SPRYD3: variants seen among roughly 807,000 people sequenced by gnomAD.
SPRYD3 encodes SPRY domain-containing protein 3.
In SPRYD3, 17 loss-of-function variants were observed where a neutral mutation model predicts 50.1. That is an observed-to-expected ratio of 0.34 (90% CI 0.23 to 0.51). The LOEUF (loss-of-function observed/expected upper bound fraction) is 0.51. Among genes scored for constraint, SPRYD3 ranks in the 20% least tolerant of loss-of-function variants. The pLI, the probability that SPRYD3 is intolerant of heterozygous loss-of-function variation, is 0.97. For missense variants in SPRYD3, 401 were observed against 591.2 expected (o/e 0.68, Z 3.34); for synonymous variants, 198 against 215.5 (o/e 0.92, Z 0.71).
intron 3 of SPRYD3, among the ~76,000 whole-genome samples, 165 bp from the exon 4 acceptor site, chr12:53,075,384 G>C (rs781314873): frequency 6.6e-6 from 1 of 152,218 alleles, no homozygotes; most frequent in Non-Finnish European, 1.5e-5. Context: ...CAATTGGTGA[G>C]AGTGGGTGCC....
intron 6 of SPRYD3, 25 bp from the exon 7 acceptor site, chr12:53,068,329 G>A (rs776123296): frequency 1.2e-6 from 2 of 1,612,420 alleles, no homozygotes; most frequent in East Asian, 2.2e-5. Context: ...CCAGATGGGG[G>A]TCAGGGGACA....
intron 6 of SPRYD3, among the ~76,000 whole-genome samples, chr12:53,070,904 T>C (rs1944544708): frequency 1.3e-5 from 2 of 152,196 alleles, no homozygotes; most frequent in Admixed American, 6.5e-5. Context: ...GCCCTTTCTT[T>C]GGGTCTCCCC....
At position 53,066,296 on chromosome 12, in the gene SPRYD3, C is replaced by T. The variant is rs1294940572; in HGVS notation, c.1194+18G>A. On this transcript the variant is annotated intron_variant, in intron 10 of 10. Coordinates refer to ENST00000301463, the MANE Select transcript of SPRYD3 (RefSeq NM_032840.3). ...AGACCCAAAAACCCTGGTCCCACCT[C>T]AAACTCTCCGTACTCACCACCACCT... The T allele has an allele frequency of 1.2e-6, 2 of 1,610,594 alleles. No homozygotes were observed. Among genetic ancestry groups the T allele is most frequent in the East Asian group, 4.5e-5 (2 of 44,836 alleles).
chr12:53,073,487 A>AGACG lies in SPRYD3; in HGVS notation c.508-20_508-17dup, dbSNP rs2121205139. 7 of 1,517,120 alleles carry AGACG rather than the reference A, an allele frequency of 4.6e-6. No individual in the cohort carries two copies. The East Asian group carries it at 1.7e-4, about 37-fold the overall frequency. The allele number at this position is 1,517,120 out of a possible 1,614,324, so 94.0% of individuals were successfully genotyped here. On this transcript the variant is annotated splice_polypyrimidine_tract_variant and intron_variant, in intron 5 of 10. Transcript: ENST00000301463. The stretch of plus-strand genomic sequence containing the variant: ...TAGAGCCCACCTGCAGTGGGGGGAA[A>AGACG]GACGGAGCTGCCACCCGGCCTGCTT...
At chr12:53,066,272 G>T in intron 10 of SPRYD3, 42 bp downstream of exon 10, 1 of 1,598,360 alleles carries the variant, frequency 6.3e-7, no homozygotes, top group Non-Finnish European at 8.5e-7. Flanking sequence ...CCTTTGCCCA[G>T]ACCCAAAAAC....
chr12:53,067,714 A>G lies in SPRYD3; in HGVS notation c.844-9T>C. 1 of 1,613,314 alleles carries G rather than the reference A, an allele frequency of 6.2e-7. No homozygotes were observed. Among genetic ancestry groups the G allele is most frequent in the Non-Finnish European group, 8.5e-7 (1 of 1,179,336 alleles). ...CTGTTCTTGGGATAGTCCTGCACCAAGAAGAGAAAAGAAAATCTATGGTCC... is the reference window on the plus strand; with the variant it reads ...CTGTTCTTGGGATAGTCCTGCACCAGGAAGAGAAAAGAAAATCTATGGTCC... On this transcript the variant is annotated splice_polypyrimidine_tract_variant and intron_variant, in intron 7 of 10. Coordinates refer to ENST00000301463, the MANE Select transcript of SPRYD3 (RefSeq NM_032840.3).
rs370626329 is a variant in SPRYD3, at chr12:53,079,311, C to T, written c.23G>A (p.Arg8Gln). Residue 8 changes from arginine to glutamine, a missense_variant and splice_region_variant, in exon 1 of 11, where the codon CGG becomes CAG. By Grantham distance (43) the Arg-to-Gln change is conservative. Transcript: ENST00000301463. Reference protein sequence around the residue: MRRTRRPRFVLMNKMDDL... With the variant: MRRTRRPQFVLMNKMDDL... ...GACCCCGCCCCCGATCCCCGCCTAC[C>T]GGGGCCGCCGCGTCCTCCTCATCCA... The T allele has an allele frequency of 1.4e-5, 23 of 1,607,340 alleles. No individual in the cohort carries two copies. The African/African-American group carries it at 1.5e-4, about 10-fold the overall frequency.
At chr12:53,076,222 C>A (rs1346262242) in intron 2 of SPRYD3, among the ~76,000 whole-genome samples, 2 of 152,198 alleles carry the variant, frequency 1.3e-5, no homozygotes, top group Non-Finnish European at 2.9e-5. Flanking sequence ...AGCCCTTCAT[C>A]GATTGGAAGA....
chr12:53,072,260 A>C (rs1350309454), intron 6 of SPRYD3, among the ~76,000 whole-genome samples: 1 of 152,188 alleles, frequency 6.6e-6, no homozygotes, highest in Non-Finnish European at 1.5e-5. Context: ...TGGGACCCTG[A>C]TGCCAGACGG....
rs976847078 is a variant in SPRYD3 at position 53,064,555 on chromosome 12, C to T, written c.*1277G>A. 1.3e-5 allele frequency: 2 copies of T among 152,714 alleles called. No individual in the cohort carries two copies. Among genetic ancestry groups the T allele is most frequent in the Non-Finnish European group, 2.9e-5 (2 of 68,128 alleles). The allele number at this position is 152,714 out of a possible 1,614,324, so 9.5% of individuals were successfully genotyped here. On this transcript the variant is annotated 3_prime_UTR_variant, in exon 11 of 11. Transcript: ENST00000301463. ...GCTGCCCCCATCCAGCAGTCCTGTT[C>T]CTAGCCCAGTGGACTAGAAAGGCTC...
intron 1 of SPRYD3, among the ~76,000 whole-genome samples, chr12:53,077,758 A>G (rs975894127): frequency 2.0e-5 from 3 of 152,236 alleles, no homozygotes; most frequent in Admixed American, 6.5e-5. Context: ...GACAGCTGGT[A>G]TATAGGGAAT....
rs759739597 is a variant in SPRYD3, at chr12:53,066,434, G to A, written c.1074C>T (p.Ala358=). The change falls in exon 10 of 11, where the codon GCC becomes GCT. Residue 358 remains alanine (A), a synonymous_variant. Coordinates refer to ENST00000301463, the MANE Select transcript of SPRYD3 (RefSeq NM_032840.3). Reference sequence around the variant, plus strand: ...ACATGACATTCCGCACGTTCCGGACGGCCCGGGCAGTCGGAGACAGGATCA... The same window carrying A: ...ACATGACATTCCGCACGTTCCGGACAGCCCGGGCAGTCGGAGACAGGATCA... ...DTVILSPTAR[A]VRNVRNVMYL... 5.4e-5 allele frequency: 87 copies of A among 1,613,848 alleles called. No individual in the cohort carries two copies. Among genetic ancestry groups the A allele is most frequent in the Non-Finnish European group, 6.8e-5 (80 of 1,180,016 alleles).
At chr12:53,073,521 C>T (rs1351607338) in intron 5 of SPRYD3, 50 bp from the exon 6 acceptor site, 2 of 1,427,702 alleles carry the variant, frequency 1.4e-6, no homozygotes, top group African/African-American at 1.4e-5. Context: ...TTTTCCATAG[C>T]TCACCTAATT....
chr12:53,077,169 G>A lies in SPRYD3; in HGVS notation c.116C>T (p.Ala39Val). 2 of 1,614,186 alleles carry A rather than the reference G, an allele frequency of 1.2e-6. No homozygotes were observed. The highest frequency in any genetic ancestry group is 2.2e-5 in the East Asian group (1 of 44,888). ...RRIREIREVR[A>V]FRYQERFKHI... The stretch of plus-strand genomic sequence containing the variant: ...TTTGAACCTCTCCTGATATCGGAAA[G>A]CTCGGACCTCTCGAATCTCCCGGAT... Residue 39 changes from alanine to valine, a missense_variant, in exon 2 of 11, where the codon GCT (alanine) becomes GTT (valine). Coordinates refer to ENST00000301463, the MANE Select transcript of SPRYD3 (RefSeq NM_032840.3).
Position 53,066,374 on chromosome 12 carries a change from TTCC to T in SPRYD3, c.1131_1133del (p.Glu383del), listed in dbSNP as rs1565616477. ...CTTCCCCATCCTCTTCCTCTTCCTC[TTCC>T]TCCTCTTCCTCTTCCCCTTCCTGGT... On this transcript the variant is annotated inframe_deletion, in exon 10 of 11. Coordinates refer to ENST00000301463, the MANE Select transcript of SPRYD3 (RefSeq NM_032840.3). 1.9e-6 allele frequency: 3 copies of T among 1,613,630 alleles called. No individual in the cohort carries two copies. The South Asian group carries it at 3.3e-5, about 18-fold the overall frequency.
intron 6 of SPRYD3, among the ~76,000 whole-genome samples, chr12:53,069,207 C>A (rs1204826851): frequency 1.3e-5 from 2 of 152,114 alleles, no homozygotes; most frequent in Non-Finnish European, 2.9e-5. Context: ...CTCTTTCCCC[C>A]ACCTTCGGCC....
chr12:53,066,773 C>A, intron 8 of SPRYD3, 81 bp from the exon 9 acceptor site: 1 of 1,490,126 alleles, frequency 6.7e-7, no homozygotes. Context: ...TGAAGCTGAA[C>A]ACTTCCCACC....
At chr12:53,072,726 G>C (rs1156589312) in intron 6 of SPRYD3, among the ~76,000 whole-genome samples, 1 of 152,236 alleles carries the variant, frequency 6.6e-6, no homozygotes, top group African/African-American at 2.4e-5. Context: ...ATGAGGAAAA[G>C]ATAAATGAAG....
At chr12:53,078,618 G>A (rs536667616) in intron 1 of SPRYD3, among the ~76,000 whole-genome samples, 6 of 152,178 alleles carry the variant, frequency 3.9e-5, no homozygotes, top group Non-Finnish European at 7.3e-5. Flanking sequence ...CAGTTCACAT[G>A]AGAAATGACA....
Sources: gnomAD v4.1 joint callset for allele counts (sites outside exome capture counted in the v4.1 genomes callset) on GRCh38, gnomAD v4.1.1 for gene constraint, MANE v1.5 for transcripts, NCBI Gene and HGNC (gene_info 2026-07-23, HGNC 2026-07-21) for gene names.